Variants in HIBCH observed in about 807,000 individuals in gnomAD.
HIBCH encodes 3-hydroxyisobutyryl-CoA hydrolase.
Under a neutral mutation model 58.2 loss-of-function variants are expected in HIBCH, and 50 were observed. The ratio of observed to expected loss-of-function variants is 0.86; its 90% CI spans 0.68 to 1.09. The LOEUF (loss-of-function observed/expected upper bound fraction) is 1.09, where lower values mean the gene tolerates loss of function less well. Ranked by LOEUF, HIBCH falls within the 50% of genes least tolerant of loss-of-function variation. The pLI is 0.00. For missense variants in HIBCH, 450 were observed against 449.7 expected, an observed-to-expected ratio of 1.00 and a Z score of -0.01; for synonymous variants, 151 against 146.9, an observed-to-expected ratio of 1.03 and a Z score of -0.20.
At position 190,250,106 on chromosome 2, in the gene HIBCH, C is replaced by T. The variant is rs747213195; in HGVS notation, c.664-380G>A. On this transcript the variant is annotated intron_variant, in intron 8 of 13. Transcript: ENST00000359678. ...TGCACAACACTATAATATAGCTTCA[C>T]TTATTTATCCATCTAATCCCTCACT... Among the ~76,000 whole-genome samples, 4 of 152,310 alleles carry T rather than the reference C, an allele frequency of 2.6e-5. No homozygotes were observed. In the Middle Eastern group the frequency reaches 0.01, roughly 389 times the overall value.
chr2:190,304,003 C>T lies in HIBCH; in HGVS notation c.78+6751G>A, dbSNP rs1688337891. On this transcript the variant is annotated intron_variant, in intron 2 of 13. Transcript: ENST00000359678. The surrounding 1 kb of genome is among the most constrained non-coding windows in gnomAD (Gnocchi z 4.1). ...AGATGAGATGGTATTCTACAGGCTA[C>T]CTGACCACTACTCCTTAAAATTGTC... 6.6e-6 allele frequency among the ~76,000 whole-genome samples: 1 copy of T among 151,924 alleles called. No individual in the cohort carries two copies. Among genetic ancestry groups the T allele is most frequent in the African/African-American group, 2.4e-5 (1 of 41,352 alleles).
intron 11 of HIBCH, among the ~76,000 whole-genome samples, chr2:190,244,094 A>G (rs1559030318): frequency 6.6e-6 from 1 of 152,212 alleles, no homozygotes; most frequent in Non-Finnish European, 1.5e-5. Flanking sequence ...TTACATCTAT[A>G]AATAGAAAAC....
At chr2:190,261,082 C>T in intron 7 of HIBCH, 74 bp downstream of exon 7, 2 of 1,110,024 alleles carry the variant, frequency 1.8e-6, no homozygotes, top group South Asian at 1.3e-5. Flanking sequence ...ATTCCTTCAA[C>T]AACAGTAAAC....
chr2:190,237,640 C>T (rs773534647), intron 11 of HIBCH, among the ~76,000 whole-genome samples: 6 of 151,976 alleles, frequency 3.9e-5, no homozygotes, highest in Non-Finnish European at 4.4e-5. Flanking sequence ...ATTCTTGCTG[C>T]AATGTGTAAG....
At chr2:190,307,724 A>G (rs1407750590) in intron 2 of HIBCH, among the ~76,000 whole-genome samples, 1 of 151,822 alleles carries the variant, frequency 6.6e-6, no homozygotes, top group Non-Finnish European at 1.5e-5. Context: ...AAAAAAAAAT[A>G]TTTCCCTGAA....
chr2:190,236,802 ACTAT>A lies in HIBCH; in HGVS notation c.891+8081_891+8084del, dbSNP rs1185147618. 6.6e-6 allele frequency among the ~76,000 whole-genome samples: 1 copy of A among 152,236 alleles called. No homozygotes were observed. Among genetic ancestry groups the A allele is most frequent in the African/African-American group, 2.4e-5 (1 of 41,468 alleles). On this transcript the variant is annotated intron_variant, in intron 11 of 13. Transcript: ENST00000359678. The surrounding 1 kb of genome is among the most constrained non-coding windows in gnomAD (Gnocchi z 4.1). ...AACAATTTATATAAAATGAAAAGAT[ACTAT>A]CTAAAGATACAAGTACTACTATTTT...
chr2:190,222,218 G>A (rs1441897017), intron 11 of HIBCH, among the ~76,000 whole-genome samples: 3 of 152,150 alleles, frequency 2.0e-5, no homozygotes, highest in African/African-American at 7.2e-5. Context: ...TCACTCACTT[G>A]TGTTCCCCAC....
intron 6 of HIBCH, among the ~76,000 whole-genome samples, chr2:190,286,981 T>C (rs1202468745): frequency 6.6e-6 from 1 of 151,618 alleles, no homozygotes; most frequent in Non-Finnish European, 1.5e-5. Flanking sequence ...TCAGTTTCCA[T>C]TGCTTAAAAA....
At chr2:190,262,487 G>A (rs528763921) in intron 6 of HIBCH, among the ~76,000 whole-genome samples, 1 of 152,126 alleles carries the variant, frequency 6.6e-6, no homozygotes, top group African/African-American at 2.4e-5. Flanking sequence ...ATCACACAAC[G>A]TAAGTCTTTG....
Position 190,212,935 on chromosome 2 carries a change from ATT to A in HIBCH, c.1011+19_1011+20del. On this transcript the variant is annotated intron_variant, in intron 12 of 13. Coordinates refer to ENST00000359678, the MANE Select transcript of HIBCH (RefSeq NM_014362.4). Reference sequence around the variant, plus strand: ...GTTACTTTTAGAACTAAAAAATGACATTTTTTTTTTAAATTCTTACCATACAA... The same window carrying A: ...GTTACTTTTAGAACTAAAAAATGACATTTTTTTTAAATTCTTACCATACAA... The A allele has an allele frequency of 6.6e-7, 1 of 1,513,042 alleles. No individual in the cohort carries two copies. The highest frequency in any genetic ancestry group is 9.1e-7 in the Non-Finnish European group (1 of 1,101,984). 93.7% of individuals were successfully genotyped at this position (1,513,042 alleles called of 1,614,324 possible).
rs1686797726 is a variant in HIBCH, at chr2:190,252,289, CCCACAT to C, written c.530_535del (p.Asp177_Val178del). 1.4e-5 allele frequency: 22 copies of C among 1,613,042 alleles called. No homozygotes were observed. The highest frequency in any genetic ancestry group is 1.9e-5 in the Non-Finnish European group (22 of 1,179,124). ...GAGTCGTGGCAAGAAATAACCTCCA[CCCACAT>C]CAGGGAACAGTCCTGTAATTAAATG... On this transcript the variant is annotated inframe_deletion, in exon 8 of 14. Transcript: ENST00000359678.
chr2:190,191,819 C>T (rs759806213), intron 1 of HIBCH, among the ~76,000 whole-genome samples: 1 of 152,040 alleles, frequency 6.6e-6, no homozygotes, highest in Non-Finnish European at 1.5e-5. Flanking sequence ...GGGTTGTTGT[C>T]TTGCTATTGA....
At chr2:190,213,669 A>G (rs1291881971) in intron 11 of HIBCH, 3 of 154,472 alleles carry the variant, frequency 1.9e-5, no homozygotes, top group South Asian at 2.0e-4. Context: ...TACTTAGGTC[A>G]TAAGTCAAAT....
chr2:190,204,910 G>T lies in HIBCH; in HGVS notation c.*207C>A, dbSNP rs1690351988. On this transcript the variant is annotated 3_prime_UTR_variant, in exon 14 of 14. Coordinates refer to ENST00000359678, the MANE Select transcript of HIBCH (RefSeq NM_014362.4). ...GATAATATATAAACAGATGAGTATA[G>T]CTAGTTCCAATAAAGCTTTATTTGT... The T allele has an allele frequency of 3.5e-6, 2 of 567,154 alleles. No homozygotes were observed. Among genetic ancestry groups the T allele is most frequent in the South Asian group, 4.0e-5 (2 of 50,548 alleles). 35.1% of individuals were successfully genotyped at this position (567,154 alleles called of 1,614,324 possible). A position where few individuals can be genotyped will look rare whatever the true frequency, so the allele number is the denominator to read the frequency against.
chr2:190,239,943 C>A (rs1686403378), intron 11 of HIBCH, among the ~76,000 whole-genome samples: 1 of 152,080 alleles, frequency 6.6e-6, no homozygotes, highest in Non-Finnish European at 1.5e-5. Flanking sequence ...AGCCACCGCA[C>A]CTGGCCTTGA....
At chr2:190,245,225 T>G (rs1686571661) in intron 10 of HIBCH, 1 of 402,862 alleles carries the variant, frequency 2.5e-6, no homozygotes, top group Non-Finnish European at 4.6e-6. Context: ...AAAGAAACAA[T>G]TCAACAATGA....
chr2:190,227,531 C>A (rs1433384792), intron 11 of HIBCH, among the ~76,000 whole-genome samples: 1 of 152,204 alleles, frequency 6.6e-6, no homozygotes, highest in Non-Finnish European at 1.5e-5. Flanking sequence ...ATGACTAAAT[C>A]ACCAAAAACA....
chr2:190,192,576 G>T (rs1021139294), intron 1 of HIBCH, among the ~76,000 whole-genome samples: 2 of 151,792 alleles, frequency 1.3e-5, no homozygotes, highest in African/African-American at 4.8e-5. Flanking sequence ...CTACAGAAAA[G>T]CCTGCTGGAA....
intron 6 of HIBCH, among the ~76,000 whole-genome samples, chr2:190,282,365 T>C (rs1387259381): frequency 6.6e-6 from 1 of 152,250 alleles, no homozygotes; most frequent in Non-Finnish European, 1.5e-5. Flanking sequence ...TGGCAGCTTC[T>C]AGTGAGGGCC....
Sources: gnomAD v4.1 joint callset for allele counts (sites outside exome capture counted in the v4.1 genomes callset) on GRCh38, gnomAD v4.1.1 for gene constraint, Gnocchi (gnomAD v3.1) non-coding constraint, MANE v1.5 for transcripts, NCBI Gene and HGNC (gene_info 2026-07-23, HGNC 2026-07-21) for gene names.